Variants in WSB2 observed in about 807,000 individuals in gnomAD.
WSB2 encodes WD repeat and SOCS box containing 2.
WSB2 carries 12 observed loss-of-function variants against 48.8 expected under a neutral mutation model. That is an observed-to-expected ratio of 0.25 (90% CI 0.16 to 0.40). The LOEUF is 0.40. WSB2 is among the 10% of genes least tolerant of loss of function. The pLI is 1.00. For missense variants in WSB2, 317 were observed against 506.2 expected, an observed-to-expected ratio of 0.63 and a Z score of 3.59; for synonymous variants, 191 against 203.1, an observed-to-expected ratio of 0.94 and a Z score of 0.51.
intron 3 of WSB2, 67 bp downstream of exon 3, chr12:118,043,066 G>A (rs2031672151): frequency 1.2e-6 from 2 of 1,613,648 alleles, no homozygotes; most frequent in Admixed American, 1.7e-5. Context: ...AGTGGGGCAG[G>A]GAGGCGACAT....
At chr12:118,035,553 T>C (rs2031492592) in intron 6 of WSB2, 1 of 504,882 alleles carries the variant, frequency 2.0e-6, no homozygotes, top group Non-Finnish European at 3.6e-6. Flanking sequence ...TTGTGCTAAT[T>C]TGCTTATGCA....
At position 118,034,106 on chromosome 12, in the gene WSB2, G is replaced by A; in HGVS notation, c.*90C>T. The A allele has an allele frequency of 1.3e-6, 2 of 1,523,372 alleles. No homozygotes were observed. Among genetic ancestry groups the A allele is most frequent in the Non-Finnish European group, 1.8e-6 (2 of 1,107,842 alleles). The allele number at this position is 1,523,372 out of a possible 1,614,324, so 94.4% of individuals were successfully genotyped here. ...AATCCCAAAGAAATGCTATTTCAAT[G>A]CAAGACCAGATGTTTGGCCCATTAT... On this transcript the variant is annotated 3_prime_UTR_variant, in exon 9 of 9. Transcript: ENST00000315436.
chr12:118,052,287 G>A, intron 2 of WSB2, 23 bp downstream of exon 2: 1 of 1,606,900 alleles, frequency 6.2e-7, no homozygotes, highest in East Asian at 2.2e-5. Flanking sequence ...CGCCGGATGG[G>A]GCCCCAGTAC....
intron 8 of WSB2, chr12:118,034,574 G>GCGCTCTCTCTCTCTCTCTCTCTCTCTCT (rs1555267392): frequency 2.0e-6 from 1 of 512,474 alleles, no homozygotes; most frequent in Non-Finnish European, 3.4e-6. Context: ...ATACCAAAGC[G>GCGCTCTCTCTCTCTCTCTCTCTCTCTCT]CTCTCTCTGT....
intron 2 of WSB2, 126 bp downstream of exon 2, chr12:118,052,184 C>T: frequency 7.7e-7 from 1 of 1,294,880 alleles, no homozygotes; most frequent in South Asian, 1.6e-5. Flanking sequence ...GCTCTGGAAA[C>T]CCCCATGATC....
At chr12:118,052,651 G>A (rs559673032) in intron 1 of WSB2, 173 bp from the exon 2 acceptor site, 24 of 934,680 alleles carry the variant, frequency 2.6e-5, no homozygotes, top group Non-Finnish European at 3.8e-5. Context: ...ATTCCACCAC[G>A]GTTACTCAAT....
intron 2 of WSB2, among the ~76,000 whole-genome samples, chr12:118,048,908 C>T (rs2031795748): frequency 6.6e-6 from 1 of 152,176 alleles, no homozygotes; most frequent in Admixed American, 6.5e-5. Flanking sequence ...ACACTAGACC[C>T]TGAGCCACCC....
At chr12:118,054,630 T>C (rs1025857584) in intron 1 of WSB2, among the ~76,000 whole-genome samples, 6 of 152,054 alleles carry the variant, frequency 3.9e-5, no homozygotes, top group African/African-American at 1.4e-4. Context: ...TGAGCTGAGA[T>C]GGTGTCATTG....
intron 2 of WSB2, among the ~76,000 whole-genome samples, chr12:118,044,157 G>A (rs1248967965): frequency 2.0e-5 from 3 of 151,948 alleles, no homozygotes; most frequent in African/African-American, 7.3e-5. Flanking sequence ...AGGCTATACT[G>A]GCCATGGCTC....
chr12:118,057,780 T>G (rs1037808764), intron 1 of WSB2, among the ~76,000 whole-genome samples: 10 of 150,970 alleles, frequency 6.6e-5, no homozygotes, highest in South Asian at 2.1e-4. Context: ...ATTTGGGTTT[T>G]TTTTTTTTTT....
At chr12:118,055,450 G>T (rs1015303702) in intron 1 of WSB2, among the ~76,000 whole-genome samples, 1 of 152,130 alleles carries the variant, frequency 6.6e-6, no homozygotes, top group Admixed American at 6.6e-5. Flanking sequence ...GGATGGCCTG[G>T]GGTAGTGGCT....
Position 118,048,208 on chromosome 12 carries a change from C to T in WSB2, c.182+4102G>A, listed in dbSNP as rs568246692. On this transcript the variant is annotated intron_variant, in intron 2 of 8. Coordinates refer to ENST00000315436, the MANE Select transcript of WSB2 (RefSeq NM_018639.5). ...CCTCCCAATGTGCTGGGATTACAGG[C>T]GTGAGCCACCGCACCCGGCCATATA... 2.1e-4 allele frequency among the ~76,000 whole-genome samples: 32 copies of T among 152,028 alleles called. No individual in the cohort carries two copies. In the South Asian group the frequency reaches 5.4e-3, roughly 26 times the overall value.
At position 118,043,185 on chromosome 12, in the gene WSB2, A is replaced by C. The variant is rs746614512; in HGVS notation, c.375T>G (p.Val125=). The C allele has an allele frequency of 6.2e-7, 1 of 1,614,214 alleles. No individual in the cohort carries two copies. Among genetic ancestry groups the C allele is most frequent in the South Asian group, 1.1e-5 (1 of 91,086 alleles). ...GCCCATCGTTGAGTCCCGTAGCAAG[A>C]ACCAGGCAAGAGACATCGGGCACTT... is the stretch of plus-strand genomic sequence containing the variant. The part of the protein sequence containing the change: ...HPQVPDVSCL[V]LATGLNDGQI... The change falls in exon 3 of 9, where the codon GTT becomes GTG. Residue 125 remains valine, a synonymous_variant. Transcript: ENST00000315436.
intron 4 of WSB2, 181 bp downstream of exon 4, chr12:118,042,660 T>C (rs778421139): frequency 2.4e-6 from 2 of 822,204 alleles, no homozygotes; most frequent in South Asian, 1.8e-5. Flanking sequence ...CTATTTGGTA[T>C]AGTATTATCT....
rs1209849659 is a variant in WSB2, at chr12:118,061,074, A to G, written c.-26T>C. 8.1e-6 allele frequency: 8 copies of G among 981,814 alleles called. No homozygotes were observed. Among genetic ancestry groups the G allele is most frequent in the East Asian group, 1.2e-4 (1 of 8,644 alleles). 60.8% of individuals were successfully genotyped at this position (981,814 alleles called of 1,614,324 possible). On this transcript the variant is annotated 5_prime_UTR_variant, in exon 1 of 9. Transcript: ENST00000315436. ...GGAGGACGCGAGCGGCCCCCGCGGC[A>G]GGCGGCGGGCGCCTCAGCCCCCCGG...
Position 118,060,943 on chromosome 12 carries a change from CGCCCAG to C in WSB2, c.13+87_13+92del. 1.4e-4 allele frequency: 81 copies of C among 566,678 alleles called. No homozygotes were observed. Among genetic ancestry groups the C allele is most frequent in the Non-Finnish European group, 1.7e-4 (77 of 446,954 alleles). The allele number at this position is 566,678 out of a possible 1,614,324, so 35.1% of individuals were successfully genotyped here. A position where few individuals can be genotyped will look rare whatever the true frequency, so the allele number is the denominator to read the frequency against. On this transcript the variant is annotated intron_variant, in intron 1 of 8. Transcript: ENST00000315436. The surrounding 1 kb of genome is among the most constrained non-coding windows in gnomAD (Gnocchi z 4.1). ...GCCGCGTCCAGCCCCCGCCCCACCC[CGCCCAG>C]CCCGCCCCGGGGTCGCCTCCCCCCT...
chr12:118,035,978 G>GA (rs1233942063), intron 6 of WSB2: 1 of 169,094 alleles, frequency 5.9e-6, no homozygotes, highest in Non-Finnish European at 1.3e-5. Context: ...TGAGGCGGTG[G>GA]ATCACCTGAG....
intron 1 of WSB2, among the ~76,000 whole-genome samples, chr12:118,054,462 G>A (rs2031915934): frequency 6.6e-6 from 1 of 151,800 alleles, no homozygotes; most frequent in South Asian, 2.1e-4. Context: ...CCTGAGGTCG[G>A]GAGTTCGAGA....
chr12:118,036,340 G>C lies in WSB2; in HGVS notation c.831C>G (p.Leu277=). Residue 277 remains leucine (L), a splice_region_variant and synonymous_variant, in exon 6 of 9, where the codon CTC becomes CTG. Coordinates refer to ENST00000315436, the MANE Select transcript of WSB2 (RefSeq NM_018639.5). ...CATAGCAGGGATTCAGTCCTTACTG[G>C]AGTGACCTCAGCCTTTCGCCGGTGT... ...DPYTGERLRS[L]HHTQVDPAMD... is the part of the protein sequence containing the mutation. 2 of 1,613,832 alleles carry C rather than the reference G, an allele frequency of 1.2e-6. No homozygotes were observed. The highest frequency in any genetic ancestry group is 1.7e-6 in the Non-Finnish European group (2 of 1,179,832).
Sources: gnomAD v4.1 joint callset for allele counts (sites outside exome capture counted in the v4.1 genomes callset) on GRCh38, gnomAD v4.1.1 for gene constraint, Gnocchi (gnomAD v3.1) non-coding constraint, MANE v1.5 for transcripts, NCBI Gene and HGNC (gene_info 2026-07-23, HGNC 2026-07-21) for gene names.